Variants in RAB40C observed in about 807,000 individuals in gnomAD.
RAB40C encodes ras-related protein Rab-40C.
In RAB40C, 8 loss-of-function variants were observed where a neutral mutation model predicts 28.1. The observed-to-expected ratio is 0.28, with a 90% CI of 0.17 to 0.51. The LOEUF is 0.51. Ranked by LOEUF, RAB40C falls within the 20% of genes least tolerant of loss-of-function variation. The pLI, the probability that RAB40C is intolerant of heterozygous loss-of-function variation, is 0.97. For synonymous variants in RAB40C, 201 were observed against 171.7 expected, an observed-to-expected ratio of 1.17 and a Z score of -1.34; for missense variants, 288 against 405.9, an observed-to-expected ratio of 0.71 and a Z score of 2.50.
At chr16:621,812 C>T (rs2036722232) in intron 3 of RAB40C, among the ~76,000 whole-genome samples, 1 of 152,214 alleles carries the variant, frequency 6.6e-6, no homozygotes, top group Non-Finnish European at 1.5e-5. Flanking sequence ...GGCCAAGTGC[C>T]ATGTCTGCTT....
At chr16:607,542 G>T (rs1350769422) in intron 1 of RAB40C, among the ~76,000 whole-genome samples, 1 of 150,202 alleles carries the variant, frequency 6.7e-6, no homozygotes, top group Non-Finnish European at 1.5e-5. Flanking sequence ...GGTGGCTCAC[G>T]CCTGTAATCG....
At chr16:590,557 G>T in intron 1 of RAB40C, 124 bp downstream of exon 1, 1 of 1,257,448 alleles carries the variant, frequency 8.0e-7, no homozygotes. Flanking sequence ...GCCTTTGCCT[G>T]GCTTCCAGAC....
intron 1 of RAB40C, among the ~76,000 whole-genome samples, chr16:613,241 C>A (rs532551579): frequency 2.1e-5 from 3 of 145,942 alleles, no homozygotes; most frequent in African/African-American, 7.7e-5. Context: ...GCATCAAGAG[C>A]AGGGACAGCC....
At chr16:625,824 G>C in intron 4 of RAB40C, 75 bp from the exon 5 acceptor site, 1 of 1,376,428 alleles carries the variant, frequency 7.3e-7, no homozygotes, top group Non-Finnish European at 1.0e-6. Context: ...TCCAGACAAT[G>C]AGGGCGGGCC....
intron 1 of RAB40C, 37 bp downstream of exon 1, chr16:590,470 G>C (rs1791124339): frequency 6.6e-7 from 1 of 1,508,442 alleles, no homozygotes; most frequent in Non-Finnish European, 8.8e-7. Context: ...GCTACGCGGG[G>C]CCCGAGCCCG....
chr16:602,825 C>A (rs184108756), intron 1 of RAB40C, among the ~76,000 whole-genome samples: 5 of 152,304 alleles, frequency 3.3e-5, no homozygotes, highest in Admixed American at 1.3e-4. Context: ...TCACCTTGGC[C>A]TCCCAAAGTG....
intron 3 of RAB40C, among the ~76,000 whole-genome samples, chr16:619,773 C>T (rs2036673800): frequency 2.0e-5 from 3 of 152,340 alleles, no homozygotes; most frequent in South Asian, 4.1e-4. Context: ...GGGCAGGAAG[C>T]TGCCCAGGTG....
intron 1 of RAB40C, among the ~76,000 whole-genome samples, chr16:603,452 A>G (rs2036296634): frequency 6.6e-6 from 1 of 152,134 alleles, no homozygotes; most frequent in African/African-American, 2.4e-5. Flanking sequence ...CCGGCCCCGC[A>G]CGTGAATGAC....
intron 3 of RAB40C, among the ~76,000 whole-genome samples, chr16:618,763 C>A (rs2036646875): frequency 1.6e-5 from 2 of 127,316 alleles, no homozygotes; most frequent in Admixed American, 1.7e-4. Flanking sequence ...GCACTGGGGC[C>A]ATGTGTGCAG....
At chr16:609,008 A>G (rs1396382624) in intron 1 of RAB40C, among the ~76,000 whole-genome samples, 1 of 152,178 alleles carries the variant, frequency 6.6e-6, no homozygotes, top group African/African-American at 2.4e-5. Context: ...CCAGCTACTC[A>G]GGAGGCTGAG....
chr16:607,089 CCCTCGGCTGCCTTACAGCAA>C (rs2036375737), intron 1 of RAB40C, among the ~76,000 whole-genome samples: 1 of 152,236 alleles, frequency 6.6e-6, no homozygotes, highest in Non-Finnish European at 1.5e-5. Flanking sequence ...CAGCCAGCCT[CCCTCGGCTGCCTTACAGCAA>C]CTCTGCTGAC....
At chr16:596,342 G>T in intron 1 of RAB40C, 1 of 456,112 alleles carries the variant, frequency 2.2e-6, no homozygotes, top group Non-Finnish European at 4.4e-6. Context: ...GCGCGAAGCT[G>T]CTGGTCCCTG....
intron 5 of RAB40C, among the ~76,000 whole-genome samples, 184 bp from the exon 6 acceptor site, chr16:627,158 G>A (rs796981352): frequency 6.6e-6 from 1 of 152,190 alleles, no homozygotes; most frequent in South Asian, 2.1e-4. Context: ...AGGGGATGGG[G>A]TGCCAGTGGA....
Position 590,168 on chromosome 16 carries a change from G to C in RAB40C, c.-124G>C. On this transcript the variant is annotated 5_prime_UTR_variant, in exon 1 of 6. Coordinates refer to ENST00000248139, the MANE Select transcript of RAB40C (RefSeq NM_021168.5). ...GGGGCCGGCGCTGGGCTTCGGGCGC[G>C]CCCACTCGGCCGCCGTGGGGCGGAC... is the stretch of plus-strand genomic sequence containing the variant. 1.6e-6 allele frequency: 1 copy of C among 611,382 alleles called. No homozygotes were observed. Among genetic ancestry groups the C allele is most frequent in the South Asian group, 6.7e-5 (1 of 14,848 alleles). 37.9% of individuals were successfully genotyped at this position (611,382 alleles called of 1,614,324 possible). A position where few individuals can be genotyped will look rare whatever the true frequency, so the allele number is the denominator to read the frequency against.
chr16:590,784 G>A (rs1044880708), intron 1 of RAB40C, among the ~76,000 whole-genome samples: 1 of 151,678 alleles, frequency 6.6e-6, no homozygotes, highest in African/African-American at 2.4e-5. Flanking sequence ...AAGGTGTCAT[G>A]GGCCTGGGGA....
At chr16:607,515 AAC>A (rs2036385478) in intron 1 of RAB40C, among the ~76,000 whole-genome samples, 2 of 150,160 alleles carry the variant, frequency 1.3e-5, no homozygotes. Flanking sequence ...AAAAAAAAAA[AAC>A]GGGGGGCCGG....
chr16:625,087 AC>A (rs3838962), intron 3 of RAB40C: 323,731 of 1,306,434 alleles, frequency 0.25, 43,488 homozygotes, highest in East Asian at 0.61. Context: ...GGCCGAGAGG[AC>A]ACTTAGCTTC....
At chr16:616,343 T>G (rs2036584399) in intron 1 of RAB40C, among the ~76,000 whole-genome samples, 2 of 150,166 alleles carry the variant, frequency 1.3e-5, no homozygotes, top group South Asian at 4.2e-4. Context: ...TTTTATTTAT[T>G]TATTTATTTA....
intron 1 of RAB40C, among the ~76,000 whole-genome samples, chr16:607,788 CTCAAA>C (rs2036393772): frequency 2.0e-5 from 3 of 152,126 alleles, no homozygotes; most frequent in Admixed American, 6.5e-5. Flanking sequence ...AAGACTCCGT[CTCAAA>C]AACGAAAAGA....
Sources: gnomAD v4.1 joint callset for allele counts (sites outside exome capture counted in the v4.1 genomes callset) on GRCh38, gnomAD v4.1.1 for gene constraint, MANE v1.5 for transcripts, NCBI Gene and HGNC (gene_info 2026-07-23, HGNC 2026-07-21) for gene names.